The following PRKCA variants were observed in gnomAD, a reference collection of about 807,000 sequenced individuals.
PRKCA encodes the protein protein kinase C alpha.
In PRKCA, 27 loss-of-function variants were observed where a neutral mutation model predicts 87.0. The ratio of observed to expected loss-of-function variants is 0.31; its 90% CI spans 0.23 to 0.43. The LOEUF (loss-of-function observed/expected upper bound fraction) is 0.43, where lower values mean the gene tolerates loss of function less well. PRKCA is among the 20% of genes least tolerant of loss of function. PRKCA has a pLI of 1.00. For missense variants in PRKCA, 518 were observed against 852.3 expected (o/e 0.61, Z 4.88); for synonymous variants, 329 against 311.1 (o/e 1.06, Z -0.61).
At chr17:66,688,470 A>G in intron 7 of PRKCA, 34 bp downstream of exon 7, 1 of 1,613,248 alleles carries the variant, frequency 6.2e-7, no homozygotes, top group Non-Finnish European at 8.5e-7. Context: ...TATGTCTCAA[A>G]GCATCAGACC....
chr17:66,740,155 G>C (rs145655351), intron 11 of PRKCA, among the ~76,000 whole-genome samples: 4 of 9,288 alleles, frequency 4.3e-4, no homozygotes, highest in Non-Finnish European at 6.2e-4. Flanking sequence ...GTGGTTTGAG[G>C]GGGGAGATTC....
chr17:66,584,093 C>T (rs946489146), intron 3 of PRKCA, among the ~76,000 whole-genome samples: 6 of 152,184 alleles, frequency 3.9e-5, no homozygotes, highest in African/African-American at 9.6e-5. Flanking sequence ...CCTTCCCCCA[C>T]GTCGTCCTGG....
intron 3 of PRKCA, among the ~76,000 whole-genome samples, chr17:66,568,006 G>T (rs1434391255): frequency 6.6e-6 from 1 of 152,164 alleles, no homozygotes; most frequent in East Asian, 1.9e-4. Context: ...TAATACATTG[G>T]ACTGCATTAA....
intron 5 of PRKCA, among the ~76,000 whole-genome samples, chr17:66,665,567 T>A (rs1275212166): frequency 6.6e-6 from 1 of 152,134 alleles, no homozygotes; most frequent in Non-Finnish European, 1.5e-5. Flanking sequence ...CACTCACTCC[T>A]CCATGCCGGA....
Position 66,740,859 on chromosome 17 carries a change from A to G in PRKCA, c.1323-800A>G, listed in dbSNP as rs72631321. On this transcript the variant is annotated intron_variant, in intron 11 of 16. Transcript: ENST00000413366. Reference sequence around the variant, plus strand: ...TGTAAAGATCACCTGTAGTAATCCCATCTCTTCACCCTCCCCCTTTCTGTA... The same window carrying G: ...TGTAAAGATCACCTGTAGTAATCCCGTCTCTTCACCCTCCCCCTTTCTGTA... Among the ~76,000 whole-genome samples the G allele has an allele frequency of 1.8e-3, 274 of 152,294 alleles. 6 individuals are homozygous for G. In the East Asian group the frequency reaches 0.037, roughly 21 times the overall value.
At chr17:66,511,763 C>G (rs989284222) in intron 3 of PRKCA, among the ~76,000 whole-genome samples, 4 of 151,826 alleles carry the variant, frequency 2.6e-5, no homozygotes, top group African/African-American at 7.3e-5. Context: ...TCACTGCAAC[C>G]TCTGCCTCCC....
intron 3 of PRKCA, among the ~76,000 whole-genome samples, chr17:66,596,813 G>A (rs1254251893): frequency 4.9e-5 from 3 of 61,538 alleles, no homozygotes; most frequent in African/African-American, 2.1e-4. Context: ...TCCCACCTAT[G>A]AGTGAGAATA....
chr17:66,425,778 T>C (rs1014711983), intron 2 of PRKCA, among the ~76,000 whole-genome samples: 2 of 152,174 alleles, frequency 1.3e-5, no homozygotes, highest in African/African-American at 4.8e-5. Context: ...CTAAGGTATG[T>C]GCGACATGGT....
intron 2 of PRKCA, among the ~76,000 whole-genome samples, chr17:66,400,619 T>A (rs1479889476): frequency 2.0e-5 from 3 of 152,234 alleles, no homozygotes; most frequent in East Asian, 3.8e-4. Flanking sequence ...CTGCTTTCAA[T>A]TCTTTAGGAT....
At chr17:66,512,741 G>A (rs1034729465) in intron 3 of PRKCA, among the ~76,000 whole-genome samples, 3 of 152,082 alleles carry the variant, frequency 2.0e-5, no homozygotes, top group Admixed American at 6.6e-5. Flanking sequence ...GGCCCAGGCT[G>A]GAGTGCAGTG....
intron 2 of PRKCA, among the ~76,000 whole-genome samples, chr17:66,436,762 A>G (rs1267801057): frequency 6.6e-6 from 1 of 152,224 alleles, no homozygotes; most frequent in Non-Finnish European, 1.5e-5. Flanking sequence ...TGAGAAATTC[A>G]AGAAAGACAC....
intron 3 of PRKCA, among the ~76,000 whole-genome samples, chr17:66,521,170 T>G (rs1967146814): frequency 6.6e-6 from 1 of 152,216 alleles, no homozygotes; most frequent in Non-Finnish European, 1.5e-5. Flanking sequence ...TTTACCAGAT[T>G]TCTGCAGCAG....
At chr17:66,393,292 G>A (rs1404285140) in intron 2 of PRKCA, among the ~76,000 whole-genome samples, 2 of 152,270 alleles carry the variant, frequency 1.3e-5, no homozygotes, top group Non-Finnish European at 2.9e-5. Flanking sequence ...AGGCGTGGAA[G>A]ACACATCTTC....
chr17:66,515,219 C>A (rs1966927963), intron 3 of PRKCA, among the ~76,000 whole-genome samples: 1 of 144,210 alleles, frequency 6.9e-6, no homozygotes, highest in Non-Finnish European at 1.5e-5. Context: ...TTGCAGTGAG[C>A]CAAGATTGCG....
In PRKCA at chr17:66,798,408, T is replaced by C. The variant is rs1225489281; in HGVS notation, c.1855-5465T>C. ...GTGGTGGTGGTGGTGGTGGTGGTGA[T>C]GGTGATGGTGGTGGTGGTGGTGGTG... On this transcript the variant is annotated intron_variant, in intron 16 of 16. Transcript: ENST00000413366. Among the ~76,000 whole-genome samples the C allele has an allele frequency of 4.1e-3, 193 of 47,388 alleles. 3 individuals are homozygous for C. Among genetic ancestry groups the C allele is most frequent in the African/African-American group, 0.031 (150 of 4,822 alleles). The allele number at this position is 47,388 out of a possible 152,430, so 31.1% of individuals were successfully genotyped here. A position where few individuals can be genotyped will look rare whatever the true frequency, so the allele number is the denominator to read the frequency against.
chr17:66,678,771 C>T (rs527929107), intron 5 of PRKCA, among the ~76,000 whole-genome samples: 1 of 152,082 alleles, frequency 6.6e-6, no homozygotes, highest in Non-Finnish European at 1.5e-5. Flanking sequence ...GTTTTAGATA[C>T]ATTTATGCTA....
intron 2 of PRKCA, among the ~76,000 whole-genome samples, chr17:66,491,148 G>A (rs59816): frequency 0.74 from 112,098 of 152,118 alleles, 41,594 homozygotes; most frequent in African/African-American, 0.81. Flanking sequence ...TTCCAGTGTC[G>A]TCCGTCACTG....
intron 8 of PRKCA, chr17:66,703,916 C>T (rs1009900902): frequency 1.3e-5 from 2 of 151,944 alleles, no homozygotes; most frequent in African/African-American, 4.8e-5. Context: ...CATAATTGTG[C>T]TGTATTTTTG....
At chr17:66,698,848 G>A (rs529107596) in intron 8 of PRKCA, among the ~76,000 whole-genome samples, 2 of 151,388 alleles carry the variant, frequency 1.3e-5, no homozygotes, top group Admixed American at 6.6e-5. Flanking sequence ...AGGTGTAGTG[G>A]TGCATGCCTG....
Sources: gnomAD v4.1 joint callset for allele counts (sites outside exome capture counted in the v4.1 genomes callset) on GRCh38, gnomAD v4.1.1 for gene constraint, MANE v1.5 for transcripts, NCBI Gene and HGNC (gene_info 2026-07-23, HGNC 2026-07-21) for gene names.